The following PLEKHD1 variants were observed in gnomAD, a reference collection of about 807,000 sequenced individuals.
The protein encoded by PLEKHD1 is pleckstrin homology domain-containing family D member 1.
PLEKHD1 carries 51 observed loss-of-function variants against 69.2 expected under a neutral mutation model. The ratio of observed to expected loss-of-function variants is 0.74; its 90% confidence interval spans 0.59 to 0.93. The LOEUF (loss-of-function observed/expected upper bound fraction) is 0.93. PLEKHD1 is among the 40% of genes least tolerant of loss of function. The pLI is 0.00. For synonymous variants in PLEKHD1, 236 were observed against 244.7 expected, an observed-to-expected ratio of 0.96 and a Z score of 0.33; for missense variants, 584 against 641.0, an observed-to-expected ratio of 0.91 and a Z score of 0.96.
chr14:69,490,927 C>T (rs1019877916), intron 1 of PLEKHD1, among the ~76,000 whole-genome samples: 7 of 152,060 alleles, frequency 4.6e-5, no homozygotes, highest in Non-Finnish European at 8.8e-5. Context: ...AGTTTGTGCC[C>T]GGGGAAGAGG....
chr14:69,500,517 G>A, intron 2 of PLEKHD1, 60 bp from the exon 3 acceptor site: 1 of 1,432,584 alleles, frequency 7.0e-7, no homozygotes, highest in Non-Finnish European at 9.4e-7. Context: ...GGGGCCCCCA[G>A]AACCCCTGAG....
Position 69,499,999 on chromosome 14 carries a change from C to T in PLEKHD1, c.150-116C>T, listed in dbSNP as rs1047000964. The stretch of plus-strand genomic sequence containing the variant: ...GCTTGAGTTGGTAAGGATGGCTGAG[C>T]TGGTGTCCCTGTGGGCTCCCATGTG... On this transcript the variant is annotated intron_variant, in intron 1 of 12. Coordinates refer to ENST00000322564, the MANE Select transcript of PLEKHD1 (RefSeq NM_001161498.2). 7 of 683,120 alleles carry T rather than the reference C, an allele frequency of 1.0e-5. No homozygotes were observed. In the African/African-American group the frequency reaches 1.3e-4, roughly 12 times the overall value. The allele number at this position is 683,120 out of a possible 1,614,324, so 42.3% of individuals were successfully genotyped here.
At chr14:69,468,022 C>T in the PLEKHD1 span, among the ~76,000 whole-genome samples, 1 of 152,184 alleles carries the variant, frequency 6.6e-6, no homozygotes, top group Non-Finnish European at 1.5e-5. Context: ...GTGCTGGTTT[C>T]GATCAACCCC....
chr14:69,500,454 C>G (rs183555682), intron 2 of PLEKHD1, 123 bp from the exon 3 acceptor site: 2 of 794,190 alleles, frequency 2.5e-6, no homozygotes, highest in East Asian at 5.4e-5. Flanking sequence ...TGTCCCATGG[C>G]CCCAGGGTCT....
chr14:69,515,580 A>C (rs1349113968), intron 6 of PLEKHD1, among the ~76,000 whole-genome samples: 2 of 152,210 alleles, frequency 1.3e-5, no homozygotes, highest in African/African-American at 4.8e-5. Context: ...GCTTTACAGG[A>C]AGCATGGTGC....
the PLEKHD1 span, among the ~76,000 whole-genome samples, chr14:69,471,090 CTTTTTTTTTTTTTTTTT>C: frequency 0.021 from 949 of 44,786 alleles, 30 homozygotes; most frequent in African/African-American, 0.077. Context: ...CGTGCCTGGC[CTTTTTTTTTTTTTTTTT>C]TTTTTTTTTT....
intron 6 of PLEKHD1, among the ~76,000 whole-genome samples, chr14:69,514,210 C>A (rs1213168308): frequency 6.6e-6 from 1 of 150,740 alleles, no homozygotes; most frequent in East Asian, 1.9e-4. Context: ...ACATTTTGCA[C>A]CTTTTGCAGT....
At chr14:69,485,563 C>G (rs1882638230) in intron 1 of PLEKHD1, among the ~76,000 whole-genome samples, 1 of 125,004 alleles carries the variant, frequency 8.0e-6, no homozygotes, top group South Asian at 3.0e-4. Flanking sequence ...TCCCGCCAAC[C>G]ACCCACCCTT....
At chr14:69,502,972 G>A (rs934638265) in intron 6 of PLEKHD1, 93 bp downstream of exon 6, 3 of 1,459,264 alleles carry the variant, frequency 2.1e-6, no homozygotes, top group African/African-American at 2.8e-5. Flanking sequence ...GGTGCACAGA[G>A]GACTTGCTAG....
At chr14:69,479,112 C>T in the PLEKHD1 span, among the ~76,000 whole-genome samples, 289 of 152,312 alleles carry the variant, frequency 1.9e-3, no homozygotes, top group African/African-American at 6.6e-3. Context: ...GCATGTCTCA[C>T]GTGGTGACAG....
chr14:69,475,022 G>T, the PLEKHD1 span, among the ~76,000 whole-genome samples: 3 of 152,150 alleles, frequency 2.0e-5, no homozygotes, highest in Non-Finnish European at 4.4e-5. Context: ...TTCCTGGTTA[G>T]CTCCCTTTTG....
At chr14:69,501,899 G>A (rs1883034828) in intron 5 of PLEKHD1, 74 bp downstream of exon 5, 3 of 1,313,610 alleles carry the variant, frequency 2.3e-6, no homozygotes, top group East Asian at 2.6e-5. Flanking sequence ...GCTTGGTAAA[G>A]GATGCAGCAG....
At chr14:69,506,350 A>G (rs767843440) in intron 6 of PLEKHD1, among the ~76,000 whole-genome samples, 1 of 152,210 alleles carries the variant, frequency 6.6e-6, no homozygotes, top group African/African-American at 2.4e-5. Context: ...GGCTTAGCAG[A>G]CAACTCAGTC....
At position 69,503,557 on chromosome 14, in the gene PLEKHD1, A is replaced by G. The variant is rs540446627; in HGVS notation, c.555+678A>G. 2.0e-3 allele frequency: 307 copies of G among 152,388 alleles called. 1 individual carries two copies. Among genetic ancestry groups the G allele is most frequent in the Non-Finnish European group, 2.4e-3 (166 of 68,262 alleles). The allele number at this position is 152,388 out of a possible 1,614,324, so 9.4% of individuals were successfully genotyped here. A position where few individuals can be genotyped will look rare whatever the true frequency, so the allele number is the denominator to read the frequency against. ...AATACAAAAATAAGCCGGGCGTGGTAGCGGGCGCCTGTAGTCCCAGCTACT... is the reference window on the plus strand; with the variant it reads ...AATACAAAAATAAGCCGGGCGTGGTGGCGGGCGCCTGTAGTCCCAGCTACT... On this transcript the variant is annotated intron_variant, in intron 6 of 12. Coordinates refer to ENST00000322564, the MANE Select transcript of PLEKHD1 (RefSeq NM_001161498.2).
At chr14:69,491,176 A>G (rs1882769752) in intron 1 of PLEKHD1, among the ~76,000 whole-genome samples, 1 of 152,180 alleles carries the variant, frequency 6.6e-6, no homozygotes, top group East Asian at 1.9e-4. Flanking sequence ...CTTGTTGCAC[A>G]ACCAGAGGTG....
chr14:69,522,346 G>T lies in PLEKHD1; in HGVS notation c.619G>T (p.Glu207Ter). 2 of 1,551,600 alleles carry T rather than the reference G, an allele frequency of 1.3e-6. No individual in the cohort carries two copies. Among genetic ancestry groups the T allele is most frequent in the Non-Finnish European group, 1.7e-6 (2 of 1,146,948 alleles). ...GCAGCAGTTCGAGGAGGTGGTGCAG[G>T]AGCTGAGAATGGAGCAGGAGCAGAT... ...EKQQFEEVVQELRMEQEQIKR... is the reference protein window; with the variant it reads ...EKQQFEEVVQ The change falls in exon 7 of 13, where the codon GAG becomes TAG. Residue 207 changes from glutamate (E) to a stop codon, truncating the protein, a stop_gained. Coordinates refer to ENST00000322564, the MANE Select transcript of PLEKHD1 (RefSeq NM_001161498.2). LOFTEE classifies it high-confidence loss of function.
chr14:69,468,739 C>A, the PLEKHD1 span, among the ~76,000 whole-genome samples: 1 of 152,120 alleles, frequency 6.6e-6, no homozygotes, highest in Non-Finnish European at 1.5e-5. Context: ...TGCCACCATG[C>A]CTGGCTAAGT....
intron 1 of PLEKHD1, among the ~76,000 whole-genome samples, chr14:69,489,857 T>TTTG (rs1882737241): frequency 6.6e-6 from 1 of 151,294 alleles, no homozygotes; most frequent in Admixed American, 6.6e-5. Flanking sequence ...TATATATATT[T>TTTG]TTTGTTTGTT....
Position 69,527,242 on chromosome 14 carries a change from G to A in PLEKHD1, c.1111G>A (p.Ala371Thr). 6.4e-7 allele frequency: 1 copy of A among 1,551,726 alleles called. No individual in the cohort carries two copies. The highest frequency in any genetic ancestry group is 8.7e-7 in the Non-Finnish European group (1 of 1,146,982). Reference sequence around the variant, plus strand: ...GAGGCGTCTCCGGGAGGCAGAAGGGGCCTTGCGAAGCCTGGAACAGGGGCT... The same window carrying A: ...GAGGCGTCTCCGGGAGGCAGAAGGGACCTTGCGAAGCCTGGAACAGGGGCT... The part of the protein sequence containing the change: ...LERRLREAEG[A>T]LRSLEQGLNS... Residue 371 changes from alanine to threonine, a missense_variant, in exon 11 of 13, where the codon GCC becomes ACC. Transcript: ENST00000322564.
Sources: gnomAD v4.1 joint callset for allele counts (sites outside exome capture counted in the v4.1 genomes callset) on GRCh38, gnomAD v4.1.1 for gene constraint, MANE v1.5 for transcripts, NCBI Gene and HGNC (gene_info 2026-07-23, HGNC 2026-07-21) for gene names.